Variants in ADAMTS15 observed in about 807,000 individuals in gnomAD.
ADAMTS15 encodes the protein A disintegrin and metalloproteinase with thrombospondin motifs 15.
In ADAMTS15, 35 loss-of-function variants were observed where a neutral mutation model predicts 79.1. That is an observed-to-expected ratio of 0.44 (90% confidence interval 0.34 to 0.59). The LOEUF is 0.59. Ranked by LOEUF, ADAMTS15 falls within the 20% of genes least tolerant of loss-of-function variation. The probability of loss-of-function intolerance (pLI) is 0.02; values close to 1 mark genes in which losing one functional copy is unlikely to be tolerated. For missense variants in ADAMTS15, 1,324 were observed against 1,318.7 expected (o/e 1.00, Z -0.06); for synonymous variants, 616 against 567.3 (o/e 1.09, Z -1.22).
Position 130,466,640 on chromosome 11 carries a change from A to C in ADAMTS15, c.1543-2622A>C, listed in dbSNP as rs562945658. Among the ~76,000 whole-genome samples the C allele has an allele frequency of 1.8e-3, 275 of 152,208 alleles. 1 individual carries two copies. Among genetic ancestry groups the C allele is most frequent in the African/African-American group, 6.0e-3 (248 of 41,538 alleles). On this transcript the variant is annotated intron_variant, in intron 4 of 7. Transcript: ENST00000299164. ...CCCTGGATTAATGCAGTTGCCTCCA[A>C]CTGGTCTCCCTGCTTCTGATCTTAC...
chr11:130,462,631 T>C lies in ADAMTS15; in HGVS notation c.1393T>C (p.Cys465Arg). The C allele has an allele frequency of 6.2e-7, 1 of 1,613,916 alleles. No homozygotes were observed. The highest frequency in any genetic ancestry group is 1.1e-5 in the South Asian group (1 of 91,078). The change falls in exon 4 of 8, where the codon TGC (cysteine) becomes CGC (arginine). Residue 465 changes from cysteine (C) to arginine (R), a missense_variant. Coordinates refer to ENST00000299164, the MANE Select transcript of ADAMTS15 (RefSeq NM_139055.4). The surrounding 1 kb of genome is among the most constrained non-coding windows in gnomAD (Gnocchi z 4.3). ...CAAGCCCTGTCCTTACATGCAGTAC[T>C]GCACCAAGCTGTGGTGCACCGGGAA... ...GSKPCPYMQY[C>R]TKLWCTGKAK...
chr11:130,469,513 T>A, intron 5 of ADAMTS15, 74 bp downstream of exon 5: 1 of 1,167,616 alleles, frequency 8.6e-7, no homozygotes, highest in Non-Finnish European at 1.1e-6. Flanking sequence ...CCACCCCTAC[T>A]CCATGTAATG....
intron 5 of ADAMTS15, among the ~76,000 whole-genome samples, chr11:130,470,206 A>ATATGTATG (rs1565397933): frequency 1.6e-5 from 1 of 64,030 alleles, no homozygotes; most frequent in Non-Finnish European, 3.1e-5. Flanking sequence ...ATATATATAT[A>ATATGTATG]TATGTATATA....
intron 4 of ADAMTS15, among the ~76,000 whole-genome samples, chr11:130,465,429 G>T (rs1384632054): frequency 6.6e-6 from 1 of 152,148 alleles, no homozygotes; most frequent in Non-Finnish European, 1.5e-5. Flanking sequence ...GCTGAATCAT[G>T]CCTTTTAGAA....
intron 7 of ADAMTS15, 97 bp downstream of exon 7, chr11:130,471,480 C>A: frequency 7.2e-7 from 1 of 1,396,306 alleles, no homozygotes; most frequent in South Asian, 1.4e-5. Flanking sequence ...GGGTAAATGT[C>A]AGATCCAGCC....
chr11:130,473,179 C>T lies in ADAMTS15; in HGVS notation c.2211C>T (p.Leu737=). 1.2e-6 allele frequency: 2 copies of T among 1,614,114 alleles called. No homozygotes were observed. Among genetic ancestry groups the T allele is most frequent in the Non-Finnish European group, 1.7e-6 (2 of 1,180,046 alleles). The change falls in exon 8 of 8, where the codon CTC becomes CTT. Residue 737 remains leucine, a synonymous_variant. Transcript: ENST00000299164. ...ALKNSQGKYL[L]NGHFVVSAVE... is the part of the protein sequence containing the mutation. Reference sequence around the variant, plus strand: ...AGAACAGCCAAGGCAAGTACCTGCTCAACGGGCATTTCGTGGTGTCGGCGG... The same window carrying T: ...AGAACAGCCAAGGCAAGTACCTGCTTAACGGGCATTTCGTGGTGTCGGCGG...
At chr11:130,455,270 G>C (rs990090536) in intron 1 of ADAMTS15, among the ~76,000 whole-genome samples, 1 of 152,134 alleles carries the variant, frequency 6.6e-6, no homozygotes, top group Non-Finnish European at 1.5e-5. Context: ...GCTTCTTGTT[G>C]AATAATTAGC....
chr11:130,469,645 G>A (rs1465628380), intron 5 of ADAMTS15, among the ~76,000 whole-genome samples: 1 of 152,222 alleles, frequency 6.6e-6, no homozygotes, highest in African/African-American at 2.4e-5. Context: ...AAGCCTGGAA[G>A]TGGAGAGGTG....
rs185269810 is a variant in ADAMTS15, at chr11:130,449,370, G to A, written c.397G>A (p.Glu133Lys). The change falls in exon 1 of 8, where the codon GAG becomes AAG. Residue 133 changes from glutamate to lysine, a missense_variant. Transcript: ENST00000299164. This position sits in a 1 kb window ranked among gnomAD's most constrained non-coding sequence, Gnocchi z 7.8. Reference sequence around the variant, plus strand: ...CGGAGCCTTTGGCTACCGAGGCGCCGAGTATGTCATTAGCCCGCTGCCCAA... The same window carrying A: ...CGGAGCCTTTGGCTACCGAGGCGCCAAGTATGTCATTAGCCCGCTGCCCAA... The part of the protein sequence containing the change: ...LRGAFGYRGA[E>K]YVISPLPNAS... The A allele has an allele frequency of 2.7e-5, 44 of 1,605,250 alleles. No homozygotes were observed. The East Asian group carries it at 3.6e-4, about 13-fold the overall frequency.
chr11:130,458,587 G>A (rs1056060046), intron 1 of ADAMTS15, among the ~76,000 whole-genome samples: 1 of 152,250 alleles, frequency 6.6e-6, no homozygotes, highest in African/African-American at 2.4e-5. Context: ...GAGGCTGAAA[G>A]CACTGGTTGA....
Position 130,462,743 on chromosome 11 carries a change from G to A in ADAMTS15, c.1505G>A (p.Gly502Glu). The change falls in exon 4 of 8, where the codon GGG (glycine) becomes GAG (glutamate). Residue 502 changes from glycine to glutamate, a missense_variant. Transcript: ENST00000299164. The surrounding 1 kb of genome is among the most constrained non-coding windows in gnomAD (Gnocchi z 4.3). ...SCGEGKLCLK[G>E]ACVERHNLNK... ...GGCGAGGGCAAGCTCTGCCTCAAAG[G>A]GGCCTGCGTGGAGAGACACAACCTC... is the stretch of plus-strand genomic sequence containing the variant. 1 of 1,602,028 alleles carries A rather than the reference G, an allele frequency of 6.2e-7. No homozygotes were observed. The highest frequency in any genetic ancestry group is 1.1e-5 in the South Asian group (1 of 90,570).
intron 1 of ADAMTS15, among the ~76,000 whole-genome samples, chr11:130,459,441 C>T (rs1938154006): frequency 6.6e-6 from 1 of 152,226 alleles, no homozygotes; most frequent in South Asian, 2.1e-4. Flanking sequence ...GCTGGGATTA[C>T]AGGCATGAGC....
At chr11:130,471,810 T>A (rs914221186) in intron 7 of ADAMTS15, among the ~76,000 whole-genome samples, 41 of 152,248 alleles carry the variant, frequency 2.7e-4, no homozygotes, top group Non-Finnish European at 4.1e-4. Context: ...ATTTCATGTG[T>A]GCTCTTGTGG....
rs911391031 is a variant in ADAMTS15, at chr11:130,468,939, C to CAAAAA, written c.1543-300_1543-296dup. On this transcript the variant is annotated intron_variant, in intron 4 of 7. Transcript: ENST00000299164. ...GCAAAAGAGGGAGACTCCACCTCAA[C>CAAAAA]AAAAAAAAAAAAAAAAAAAAAAAAA... Among the ~76,000 whole-genome samples, 34 of 27,836 alleles carry CAAAAA rather than the reference C, an allele frequency of 1.2e-3. 2 individuals carry two copies. The highest frequency in any genetic ancestry group is 3.0e-3 in the African/African-American group (30 of 10,134). 18.3% of individuals were successfully genotyped at this position (27,836 alleles called of 152,430 possible). A position where few individuals can be genotyped will look rare whatever the true frequency, so the allele number is the denominator to read the frequency against.
In ADAMTS15 at chr11:130,449,411, G is replaced by A; in HGVS notation, c.438G>A (p.Ala146=). The part of the protein sequence containing the change: ...ISPLPNASAP[A]AQRNSQGAHL... Reference sequence around the variant, plus strand: ...CGCTGCCCAATGCTAGCGCGCCGGCGGCGCAGCGCAACAGCCAGGGCGCAC... The same window carrying A: ...CGCTGCCCAATGCTAGCGCGCCGGCAGCGCAGCGCAACAGCCAGGGCGCAC... The change falls in exon 1 of 8, where the codon GCG becomes GCA. Residue 146 remains alanine (A), a synonymous_variant. Transcript: ENST00000299164. The surrounding 1 kb of genome is among the most constrained non-coding windows in gnomAD (Gnocchi z 7.8). 1 of 1,597,564 alleles carries A rather than the reference G, an allele frequency of 6.3e-7. No individual in the cohort carries two copies. The highest frequency in any genetic ancestry group is 8.5e-7 in the Non-Finnish European group (1 of 1,176,804).
At chr11:130,467,234 T>C (rs1359116236) in intron 4 of ADAMTS15, among the ~76,000 whole-genome samples, 1 of 152,176 alleles carries the variant, frequency 6.6e-6, no homozygotes, top group Non-Finnish European at 1.5e-5. Flanking sequence ...AGGCACACTC[T>C]TTCAGTCTTC....
rs770624530 is a variant in ADAMTS15 at position 130,449,547 on chromosome 11, A to T, written c.574A>T (p.Lys192Ter). 6.3e-7 allele frequency: 1 copy of T among 1,580,524 alleles called. No homozygotes were observed. The highest frequency in any genetic ancestry group is 1.7e-5 in the Admixed American group (1 of 58,290). The change falls in exon 1 of 8, where the codon AAG becomes TAG. Residue 192 changes from lysine to a stop codon, truncating the protein, a stop_gained. Coordinates refer to ENST00000299164, the MANE Select transcript of ADAMTS15 (RefSeq NM_139055.4). LOFTEE classifies it high-confidence loss of function. This position sits in a 1 kb window ranked among gnomAD's most constrained non-coding sequence, Gnocchi z 7.8. ...PAILRALDPY[K>*]PRRAGFGESR... ...CATCCTACGGGCCCTGGACCCTTAC[A>T]AGCCGCGGCGGGCGGGCTTCGGGGA...
chr11:130,462,377 G>A lies in ADAMTS15; in HGVS notation c.1259-120G>A. ...GGTGTGTGTGCCCCCTCGGAGCCGG[G>A]CTCTGACATGAGTGCATTCCTGTTG... is the stretch of plus-strand genomic sequence containing the variant. On this transcript the variant is annotated intron_variant, in intron 3 of 7. Transcript: ENST00000299164. The surrounding 1 kb of genome is among the most constrained non-coding windows in gnomAD (Gnocchi z 4.3). The A allele has an allele frequency of 6.7e-7, 1 of 1,487,466 alleles. No individual in the cohort carries two copies. The highest frequency in any genetic ancestry group is 9.0e-7 in the Non-Finnish European group (1 of 1,109,622). The allele number at this position is 1,487,466 out of a possible 1,614,324, so 92.1% of individuals were successfully genotyped here.
At chr11:130,450,504 G>T in intron 1 of ADAMTS15, 1 of 905,846 alleles carries the variant, frequency 1.1e-6, no homozygotes, top group Non-Finnish European at 1.3e-6. Context: ...GGGTTGCAGT[G>T]ACAGGCCAGA....
Sources: allele counts gnomAD v4.1 joint callset (sites outside exome capture counted in the v4.1 genomes callset), GRCh38; gene constraint gnomAD v4.1.1; non-coding constraint Gnocchi (gnomAD v3.1); transcripts MANE v1.5; gene names NCBI Gene and HGNC (gene_info 2026-07-23, HGNC 2026-07-21).